Variants in ATP9B observed in about 807,000 individuals in gnomAD.
The protein encoded by ATP9B is ATPase phospholipid transporting 9B.
Under a neutral mutation model 146.1 loss-of-function variants are expected in ATP9B, and 110 were observed. That is an observed-to-expected ratio of 0.75 (90% CI 0.65 to 0.88). The LOEUF (loss-of-function observed/expected upper bound fraction) is 0.88. ATP9B is among the 40% of genes least tolerant of loss of function. The pLI, the probability that ATP9B is intolerant of heterozygous loss-of-function variation, is 0.00. For synonymous variants in ATP9B, 604 were observed against 569.7 expected (o/e 1.06, Z -0.86); for missense variants, 1,499 against 1,496.4 (o/e 1.00, Z -0.03).
intron 7 of ATP9B, among the ~76,000 whole-genome samples, chr18:79,171,885 TTTG>T (rs776129440): frequency 7.8e-5 from 8 of 103,164 alleles, no homozygotes; most frequent in East Asian, 6.2e-4. Flanking sequence ...CTCGTTTTTT[TTTG>T]TTTGTTTGTT....
intron 18 of ATP9B, 140 bp from the exon 19 acceptor site, chr18:79,337,139 G>A: frequency 1.7e-6 from 2 of 1,190,374 alleles, no homozygotes; most frequent in Non-Finnish European, 2.4e-6. Context: ...GTCCAGCTCT[G>A]TGGAGTACAC....
At chr18:79,247,228 A>G (rs934556595) in intron 11 of ATP9B, among the ~76,000 whole-genome samples, 11 of 152,242 alleles carry the variant, frequency 7.2e-5, no homozygotes, top group Admixed American at 6.5e-4. Context: ...AAAGGCTGCC[A>G]CACACTAACA....
chr18:79,278,671 C>A (rs1229751061), intron 13 of ATP9B, among the ~76,000 whole-genome samples: 1 of 151,944 alleles, frequency 6.6e-6, no homozygotes, highest in African/African-American at 2.4e-5. Context: ...TGTTTGAGTT[C>A]CATTAGACTT....
chr18:79,347,752 C>G lies in ATP9B; in HGVS notation c.2683-18C>G. ...GCGTCCGCCATGTTTGAAAAGGCCC[C>G]GTGTGCTTTTCTCTCAGGAGGGTAA... On this transcript the variant is annotated intron_variant, in intron 23 of 29. Coordinates refer to ENST00000426216, the MANE Select transcript of ATP9B (RefSeq NM_198531.5). 7 of 1,524,988 alleles carry G rather than the reference C, an allele frequency of 4.6e-6. No homozygotes were observed. Among genetic ancestry groups the G allele is most frequent in the Non-Finnish European group, 6.2e-6 (7 of 1,134,988 alleles). 94.5% of individuals were successfully genotyped at this position (1,524,988 alleles called of 1,614,324 possible). A position where few individuals can be genotyped will look rare whatever the true frequency, so the allele number is the denominator to read the frequency against.
At position 79,161,768 on chromosome 18, in the gene ATP9B, C is replaced by A. The variant is rs555552185; in HGVS notation, c.778+7213C>A. 1.4e-4 allele frequency among the ~76,000 whole-genome samples: 22 copies of A among 152,268 alleles called. 1 individual carries two copies. Among genetic ancestry groups the A allele is most frequent in the South Asian group, 1.0e-3 (5 of 4,824 alleles). On this transcript the variant is annotated intron_variant, in intron 7 of 29. Coordinates refer to ENST00000426216, the MANE Select transcript of ATP9B (RefSeq NM_198531.5). Reference sequence around the variant, plus strand: ...GGCTGAGGCAGGAGAATGGCGTGAACCCGGGAGGCGGAGCTTGCAGTGAGC... The same window carrying A: ...GGCTGAGGCAGGAGAATGGCGTGAAACCGGGAGGCGGAGCTTGCAGTGAGC...
At chr18:79,349,419 G>A (rs1178756215) in intron 25 of ATP9B, among the ~76,000 whole-genome samples, 1 of 152,198 alleles carries the variant, frequency 6.6e-6, no homozygotes, top group Non-Finnish European at 1.5e-5. Flanking sequence ...CTCACCCGTG[G>A]GAGGCCCAGC....
At chr18:79,325,954 C>T (rs1361976689) in intron 15 of ATP9B, among the ~76,000 whole-genome samples, 4 of 138,762 alleles carry the variant, frequency 2.9e-5, no homozygotes, top group African/African-American at 5.7e-5. Flanking sequence ...GTTAGGGTGT[C>T]ATCTCTGTAC....
intron 2 of ATP9B, among the ~76,000 whole-genome samples, chr18:79,098,281 A>G (rs1472196934): frequency 6.6e-6 from 1 of 151,396 alleles, no homozygotes; most frequent in African/African-American, 2.4e-5. Flanking sequence ...TAAAAACCCT[A>G]GAAGAAAACC....
intron 9 of ATP9B, among the ~76,000 whole-genome samples, chr18:79,199,030 C>A (rs543670997): frequency 1.3e-5 from 2 of 152,252 alleles, no homozygotes; most frequent in African/African-American, 4.8e-5. Context: ...CAGCTCACTG[C>A]AACCTCTGCC....
intron 11 of ATP9B, among the ~76,000 whole-genome samples, chr18:79,218,091 T>C (rs1259379213): frequency 6.6e-6 from 1 of 152,252 alleles, no homozygotes; most frequent in East Asian, 1.9e-4. Flanking sequence ...TACTCCGCAG[T>C]GGCTTCCCCA....
At chr18:79,235,031 C>A (rs117307284) in intron 11 of ATP9B, among the ~76,000 whole-genome samples, 392 of 152,178 alleles carry the variant, frequency 2.6e-3, no homozygotes, top group Admixed American at 4.4e-3. Flanking sequence ...CATGACCATG[C>A]CTGGCTAATT....
chr18:79,098,727 A>G lies in ATP9B; in HGVS notation c.293+2078A>G, dbSNP rs546220999. 9.8e-5 allele frequency among the ~76,000 whole-genome samples: 15 copies of G among 152,348 alleles called. 1 individual carries two copies. Among genetic ancestry groups the G allele is most frequent in the East Asian group, 5.8e-4 (3 of 5,186 alleles). On this transcript the variant is annotated intron_variant, in intron 2 of 29. Coordinates refer to ENST00000426216, the MANE Select transcript of ATP9B (RefSeq NM_198531.5). ...GTATCTACTTTAAGTTTATATTTCA[A>G]TGTTGTCTATCATCCCAGTAATGTC...
intron 15 of ATP9B, among the ~76,000 whole-genome samples, chr18:79,314,931 C>T (rs1454240586): frequency 6.6e-6 from 1 of 152,176 alleles, no homozygotes; most frequent in African/African-American, 2.4e-5. Flanking sequence ...GCGCTGAAGG[C>T]GTGGGGTGGA....
chr18:79,189,233 G>A (rs1456872701), intron 8 of ATP9B, among the ~76,000 whole-genome samples: 1 of 152,068 alleles, frequency 6.6e-6, no homozygotes, highest in Admixed American at 6.5e-5. Flanking sequence ...TGTAATCCCA[G>A]CTATTCAGGA....
At chr18:79,086,435 C>CAAAAAAACAAAAAA (rs2073836047) in intron 1 of ATP9B, 1 of 63,482 alleles carries the variant, frequency 1.6e-5, no homozygotes, top group Non-Finnish European at 2.6e-5. Context: ...GGCTCTATCT[C>CAAAAAAACAAAAAA]AAAAAAAAAA....
intron 13 of ATP9B, among the ~76,000 whole-genome samples, chr18:79,283,750 G>A (rs1041179886): frequency 1.3e-5 from 2 of 152,194 alleles, no homozygotes; most frequent in African/African-American, 4.8e-5. Flanking sequence ...AGAAATACTC[G>A]ACGCCGGCTG....
intron 13 of ATP9B, among the ~76,000 whole-genome samples, chr18:79,277,603 T>C (rs1049055428): frequency 4.6e-5 from 7 of 152,218 alleles, no homozygotes; most frequent in African/African-American, 1.7e-4. Flanking sequence ...GTTAATTTGG[T>C]ATTTAATACT....
At chr18:79,348,562 T>A (rs941203300) in intron 25 of ATP9B, among the ~76,000 whole-genome samples, 2 of 152,230 alleles carry the variant, frequency 1.3e-5, no homozygotes, top group Non-Finnish European at 2.9e-5. Flanking sequence ...GGCTTCATCC[T>A]GTTGTGCGGC....
chr18:79,101,053 G>C (rs1232350460), intron 2 of ATP9B, among the ~76,000 whole-genome samples: 1 of 151,878 alleles, frequency 6.6e-6, no homozygotes, highest in East Asian at 1.9e-4. Flanking sequence ...TACCCCAGTT[G>C]TTACATCTTA....
Sources: gnomAD v4.1 joint callset for allele counts (sites outside exome capture counted in the v4.1 genomes callset) on GRCh38, gnomAD v4.1.1 for gene constraint, MANE v1.5 for transcripts, NCBI Gene and HGNC (gene_info 2026-07-23, HGNC 2026-07-21) for gene names.